WWOX: variants seen among roughly 807,000 people sequenced by gnomAD.
WWOX encodes the protein WW domain containing oxidoreductase, also known as WW domain-containing oxidoreductase.
Under a neutral mutation model 46.2 loss-of-function variants are expected in WWOX, and 69 were observed. The observed-to-expected ratio is 1.49, with a 90% CI of 1.23 to 1.82. WWOX has a LOEUF of 1.82. Ranked by LOEUF, WWOX falls within the 40% of genes most tolerant of loss-of-function variation. WWOX has a pLI of 0.00. For missense variants in WWOX, 919 were observed against 542.6 expected (o/e 1.69, Z -6.89); for synonymous variants, 359 against 202.6 (o/e 1.77, Z -6.56).
At chr16:78,638,013 A>G (rs2046615657) in intron 8 of WWOX, among the ~76,000 whole-genome samples, 1 of 152,092 alleles carries the variant, frequency 6.6e-6, no homozygotes, top group Non-Finnish European at 1.5e-5. Context: ...GCAGTGTTTG[A>G]GTTCTTCCCT....
chr16:78,205,298 A>C (rs148643103), intron 5 of WWOX, among the ~76,000 whole-genome samples: 252 of 152,294 alleles, frequency 1.7e-3, no homozygotes, highest in African/African-American at 5.9e-3. Context: ...AACAGAAAAA[A>C]TGCCACCAAA....
chr16:78,284,044 G>A (rs1347211662), intron 5 of WWOX, among the ~76,000 whole-genome samples: 7 of 152,122 alleles, frequency 4.6e-5, no homozygotes, highest in Admixed American at 4.6e-4. Context: ...TTTGTATCTC[G>A]TTAAAACATT....
At position 79,073,867 on chromosome 16, in the gene WWOX, A is replaced by G. The variant is rs2048598444; in HGVS notation, c.1057-137741A>G. Among the ~76,000 whole-genome samples the G allele has an allele frequency of 2.6e-5, 4 of 152,210 alleles. 1 individual carries two copies. The highest frequency in any genetic ancestry group is 2.6e-4 in the Admixed American group (4 of 15,278). On this transcript the variant is annotated intron_variant, in intron 8 of 8. Transcript: ENST00000566780. ...TCAAAATTAAGCTTATGTCTGTTCC[A>G]GGTAGTAATTTTAAAATGGGCTTAT... is the stretch of plus-strand genomic sequence containing the variant.
At chr16:78,865,296 ATC>A (rs1401839106) in intron 8 of WWOX, among the ~76,000 whole-genome samples, 1 of 151,938 alleles carries the variant, frequency 6.6e-6, no homozygotes, top group African/African-American at 2.4e-5. Context: ...TTCCTTGCCA[ATC>A]TCATAAATAA....
intron 8 of WWOX, among the ~76,000 whole-genome samples, chr16:78,846,648 C>T (rs565147231): frequency 2.2e-4 from 33 of 152,162 alleles, no homozygotes; most frequent in African/African-American, 4.6e-4. Context: ...CTTGACCTCT[C>T]GGTTAACGTG....
intron 8 of WWOX, among the ~76,000 whole-genome samples, chr16:78,811,245 G>A (rs12927430): frequency 0.27 from 40,774 of 151,992 alleles, 6,230 homozygotes; most frequent in Middle Eastern, 0.41. Context: ...ATACATAGGT[G>A]TATTATTCTG....
intron 8 of WWOX, among the ~76,000 whole-genome samples, chr16:78,704,511 A>G (rs1241852417): frequency 1.3e-5 from 2 of 152,188 alleles, no homozygotes; most frequent in African/African-American, 2.4e-5. Context: ...GACATGAGCA[A>G]CAACGAGACT....
At chr16:78,120,082 T>G (rs2033010548) in intron 4 of WWOX, among the ~76,000 whole-genome samples, 1 of 152,118 alleles carries the variant, frequency 6.6e-6, no homozygotes, top group Non-Finnish European at 1.5e-5. Context: ...TAAATACCAG[T>G]GAAATATATT....
At chr16:78,791,763 G>T (rs936536804) in intron 8 of WWOX, among the ~76,000 whole-genome samples, 2 of 151,968 alleles carry the variant, frequency 1.3e-5, no homozygotes, top group Non-Finnish European at 2.9e-5. Flanking sequence ...GCCTATAATT[G>T]CAGCTACTTG....
chr16:78,176,390 C>A (rs1027969569), intron 5 of WWOX, among the ~76,000 whole-genome samples: 2 of 152,218 alleles, frequency 1.3e-5, no homozygotes, highest in Non-Finnish European at 2.9e-5. Context: ...GAGCCAAGAC[C>A]TGCCTTGCCT....
chr16:78,546,372 A>G (rs1481484618), intron 8 of WWOX, among the ~76,000 whole-genome samples: 1 of 152,156 alleles, frequency 6.6e-6, no homozygotes, highest in Non-Finnish European at 1.5e-5. Flanking sequence ...TTCTGTATAC[A>G]ACAGGTTTCG....
intron 8 of WWOX, among the ~76,000 whole-genome samples, chr16:78,688,475 A>G (rs2047912219): frequency 6.6e-6 from 1 of 151,824 alleles, no homozygotes; most frequent in South Asian, 2.1e-4. Flanking sequence ...ATATTAACCC[A>G]CCATATTGAG....
chr16:78,831,458 G>A (rs1214056239), intron 8 of WWOX, among the ~76,000 whole-genome samples: 1 of 152,172 alleles, frequency 6.6e-6, no homozygotes, highest in African/African-American at 2.4e-5. Context: ...GTGCTCTAGG[G>A]AGATGCAGTG....
chr16:79,113,076 C>T (rs910803585), intron 8 of WWOX, among the ~76,000 whole-genome samples: 2 of 152,158 alleles, frequency 1.3e-5, no homozygotes, highest in African/African-American at 2.4e-5. Context: ...TACCAGAACT[C>T]GGTCTGGTGG....
chr16:78,283,722 A>C (rs1844428705), intron 5 of WWOX, among the ~76,000 whole-genome samples: 1 of 152,158 alleles, frequency 6.6e-6, no homozygotes, highest in South Asian at 2.1e-4. Context: ...AAAGAAGAAA[A>C]ATCTCTTTTC....
intron 6 of WWOX, among the ~76,000 whole-genome samples, chr16:78,416,621 T>C (rs1304107980): frequency 6.6e-6 from 1 of 152,214 alleles, no homozygotes; most frequent in East Asian, 1.9e-4. Context: ...TGAGAGAATG[T>C]ACAGGCAAGA....
Position 78,452,769 on chromosome 16 carries a change from G to GCCTAGCCTTAATAAATACGTAT in WWOX, c.1056+20018_1056+20039dup, listed in dbSNP as rs1353333067. ...TGGGATTACAGGCATGAACCACTGT[G>GCCTAGCCTTAATAAATACGTAT]CCTAGCCTTAATAAATACGTATTTA... On this transcript the variant is annotated intron_variant, in intron 8 of 8. Coordinates refer to ENST00000566780, the MANE Select transcript of WWOX (RefSeq NM_016373.4). Among the ~76,000 whole-genome samples, 33 of 151,482 alleles carry GCCTAGCCTTAATAAATACGTAT rather than the reference G, an allele frequency of 2.2e-4. 1 individual carries two copies. The highest frequency in any genetic ancestry group is 8.0e-4 in the African/African-American group (33 of 41,010).
chr16:78,172,577 C>G (rs1296651852), intron 5 of WWOX, among the ~76,000 whole-genome samples: 56 of 150,172 alleles, frequency 3.7e-4, no homozygotes, highest in Admixed American at 3.7e-3. Context: ...TGATCATTGT[C>G]TTTGTGTCTT....
At chr16:79,046,227 G>C (rs758648598) in intron 8 of WWOX, among the ~76,000 whole-genome samples, 4 of 152,292 alleles carry the variant, frequency 2.6e-5, no homozygotes, top group Middle Eastern at 3.4e-3. Context: ...CAAGTGTTTA[G>C]TTCATTTTCT....
Sources: allele counts gnomAD v4.1 joint callset (sites outside exome capture counted in the v4.1 genomes callset), GRCh38; gene constraint gnomAD v4.1.1; transcripts MANE v1.5; gene names NCBI Gene and HGNC (gene_info 2026-07-23, HGNC 2026-07-21).